PCSK5: variants seen among roughly 807,000 people sequenced by gnomAD.
PCSK5 encodes prohormone convertase 5.
Under a neutral mutation model 233.2 loss-of-function variants are expected in PCSK5, and 129 were observed. That is an observed-to-expected ratio of 0.55 (90% CI 0.48 to 0.64). The LOEUF (loss-of-function observed/expected upper bound fraction) is 0.64. Ranked by LOEUF, PCSK5 falls within the 30% of genes least tolerant of loss-of-function variation. The probability of loss-of-function intolerance (pLI) is 0.00; values close to 1 mark genes in which losing one functional copy is unlikely to be tolerated. For missense variants in PCSK5, 2,076 were observed against 2,430.1 expected, an observed-to-expected ratio of 0.85 and a Z score of 3.06; for synonymous variants, 825 against 879.2, an observed-to-expected ratio of 0.94 and a Z score of 1.09.
At chr9:76,127,228 G>A (rs962357324) in intron 9 of PCSK5, among the ~76,000 whole-genome samples, 7 of 152,174 alleles carry the variant, frequency 4.6e-5, no homozygotes, top group African/African-American at 1.7e-4. Context: ...TGAGAACTCT[G>A]CAAATCTCTG....
intron 24 of PCSK5, among the ~76,000 whole-genome samples, chr9:76,245,427 A>T (rs1462863240): frequency 6.6e-6 from 1 of 152,200 alleles, no homozygotes; most frequent in Non-Finnish European, 1.5e-5. Flanking sequence ...TTTTTAAAAA[A>T]AGAGAACCTC....
intron 1 of PCSK5, among the ~76,000 whole-genome samples, chr9:75,928,108 G>A (rs1045147038): frequency 6.6e-6 from 1 of 152,248 alleles, no homozygotes; most frequent in Admixed American, 6.5e-5. Flanking sequence ...GTGTAGAGTT[G>A]TGTTAGTGTG....
At chr9:76,164,655 A>G (rs1014764281) in intron 12 of PCSK5, among the ~76,000 whole-genome samples, 1 of 152,208 alleles carries the variant, frequency 6.6e-6, no homozygotes, top group African/African-American at 2.4e-5. Context: ...CTGTCCACAG[A>G]CCACACTTTA....
chr9:76,147,133 C>G (rs1409880694), intron 10 of PCSK5, among the ~76,000 whole-genome samples: 3 of 152,158 alleles, frequency 2.0e-5, no homozygotes, highest in African/African-American at 7.2e-5. Context: ...AACCCTGATT[C>G]TTTCCTAACA....
At chr9:76,123,320 T>C (rs1832721213) in intron 9 of PCSK5, among the ~76,000 whole-genome samples, 1 of 152,234 alleles carries the variant, frequency 6.6e-6, no homozygotes, top group Non-Finnish European at 1.5e-5. Context: ...TGAATCTTTG[T>C]ATATGTTTTG....
intron 1 of PCSK5, among the ~76,000 whole-genome samples, chr9:75,910,610 G>A (rs1287899564): frequency 2.0e-5 from 3 of 151,248 alleles, no homozygotes; most frequent in African/African-American, 7.3e-5. Context: ...CATGAAGACA[G>A]AAACTTAATG....
chr9:76,087,881 G>A (rs1044323729), intron 7 of PCSK5, among the ~76,000 whole-genome samples: 9 of 152,146 alleles, frequency 5.9e-5, no homozygotes, highest in Admixed American at 1.3e-4. Context: ...AAGTCATGTC[G>A]CATAAGAAAT....
At chr9:75,914,470 C>A (rs373247523) in intron 1 of PCSK5, among the ~76,000 whole-genome samples, 1 of 152,042 alleles carries the variant, frequency 6.6e-6, no homozygotes. Flanking sequence ...ATATAAATGA[C>A]CTTTAGGTAG....
intron 2 of PCSK5, among the ~76,000 whole-genome samples, chr9:75,955,624 TACTA>T (rs980402044): frequency 6.6e-6 from 1 of 151,702 alleles, no homozygotes; most frequent in African/African-American, 2.4e-5. Context: ...GCTTTGTATA[TACTA>T]ACTCAGTGTT....
intron 10 of PCSK5, among the ~76,000 whole-genome samples, chr9:76,150,555 C>T (rs574647631): frequency 6.6e-6 from 1 of 152,084 alleles, no homozygotes; most frequent in Non-Finnish European, 1.5e-5. Flanking sequence ...ATTGCTTGAA[C>T]CTGGGAGGCA....
intron 5 of PCSK5, among the ~76,000 whole-genome samples, chr9:76,054,241 C>T (rs1829742528): frequency 2.0e-5 from 3 of 152,182 alleles, no homozygotes; most frequent in Non-Finnish European, 2.9e-5. Context: ...GGTGGGGACA[C>T]AGCCAAACCA....
intron 35 of PCSK5, among the ~76,000 whole-genome samples, chr9:76,340,899 A>G (rs1010402237): frequency 4.0e-5 from 6 of 151,756 alleles, no homozygotes; most frequent in Admixed American, 3.3e-4. Flanking sequence ...TTTCAATTTA[A>G]GTGACTATAT....
At chr9:75,995,154 C>T (rs2131413285) in intron 3 of PCSK5, among the ~76,000 whole-genome samples, 1 of 152,330 alleles carries the variant, frequency 6.6e-6, no homozygotes, top group Non-Finnish European at 1.5e-5. Flanking sequence ...AGGTCCCCCA[C>T]TCCATTTGCT....
chr9:76,087,406 C>T (rs956413445), intron 7 of PCSK5, among the ~76,000 whole-genome samples: 1 of 152,194 alleles, frequency 6.6e-6, no homozygotes, highest in Admixed American at 6.5e-5. Flanking sequence ...ATTCATTGTC[C>T]TTGACACTAG....
chr9:75,967,273 T>C (rs1049253747), intron 2 of PCSK5, among the ~76,000 whole-genome samples: 3 of 152,156 alleles, frequency 2.0e-5, no homozygotes, highest in Non-Finnish European at 1.5e-5. Flanking sequence ...TAGCCCCCAG[T>C]ATCTGCTGTT....
intron 1 of PCSK5, among the ~76,000 whole-genome samples, chr9:75,906,516 C>A (rs892675269): frequency 1.3e-5 from 2 of 152,108 alleles, no homozygotes; most frequent in African/African-American, 4.8e-5. Context: ...TGAGTCACTG[C>A]GCCCAGCCGC....
At chr9:76,339,745 A>G (rs1315455034) in intron 35 of PCSK5, among the ~76,000 whole-genome samples, 1 of 152,068 alleles carries the variant, frequency 6.6e-6, no homozygotes, top group Non-Finnish European at 1.5e-5. Context: ...GGGTTTCACC[A>G]TATTGATCAG....
chr9:76,174,276 A>G (rs1057486934), intron 13 of PCSK5, among the ~76,000 whole-genome samples: 2 of 151,934 alleles, frequency 1.3e-5, no homozygotes, highest in African/African-American at 4.8e-5. Flanking sequence ...TGTTCTGTCT[A>G]CTTATTAACA....
At position 76,240,680 on chromosome 9, in the gene PCSK5, C is replaced by G. The variant is rs781661659; in HGVS notation, c.3138C>G (p.Ser1046Arg). 2 of 1,577,404 alleles carry G rather than the reference C, an allele frequency of 1.3e-6. No individual in the cohort carries two copies. The highest frequency in any genetic ancestry group is 1.2e-5 in the South Asian group (1 of 86,234). ...VPCEEGCLGC[S>R]LDDPGTCTSC... Reference sequence around the variant, plus strand: ...GTGAAGAAGGATGTCTGGGATGCAGCTTGGGTATGTCCTCTTCCTTTGTCA... The same window carrying G: ...GTGAAGAAGGATGTCTGGGATGCAGGTTGGGTATGTCCTCTTCCTTTGTCA... The change falls in exon 24 of 38, where the codon AGC becomes AGG. Residue 1046 changes from serine to arginine, a missense_variant. Ser to Arg is a moderately radical substitution (Grantham distance 110). Around this residue, in one of 6 missense-constraint regions of PCSK5, gnomAD observed 1,510 missense variants for 1,538.1 expected, o/e 0.98. Transcript: ENST00000674117.
Sources: gnomAD v4.1 joint callset for allele counts (sites outside exome capture counted in the v4.1 genomes callset) on GRCh38, gnomAD v4.1.1 for gene constraint, gnomAD v4.1.1 regional missense constraint, MANE v1.5 for transcripts, NCBI Gene and HGNC (gene_info 2026-07-23, HGNC 2026-07-21) for gene names.